Variants in LOXL3 observed in about 807,000 individuals in gnomAD.
LOXL3 encodes the protein lysyl oxidase homolog 3.
In LOXL3, 60 loss-of-function variants were observed where a neutral mutation model predicts 91.8. That is an observed-to-expected ratio of 0.65 (90% CI 0.53 to 0.81). The LOEUF (loss-of-function observed/expected upper bound fraction) is 0.81. LOXL3 is among the 30% of genes least tolerant of loss of function. The probability of loss-of-function intolerance (pLI) is 0.00; values close to 1 mark genes in which losing one functional copy is unlikely to be tolerated. For synonymous variants in LOXL3, 355 were observed against 387.6 expected (o/e 0.92, Z 0.99); for missense variants, 874 against 1,000.4 (o/e 0.87, Z 1.70).
chr2:74,552,670 T>G (rs778068013), intron 1 of LOXL3, 24 bp from the exon 2 acceptor site: 42 of 1,487,014 alleles, frequency 2.8e-5, no homozygotes, highest in Non-Finnish European at 3.8e-5. Flanking sequence ...AGACAAAGTG[T>G]GCGTGAGAGA....
rs770980565 is a variant in LOXL3, at chr2:74,536,816, C to T, written c.805G>A (p.Ala269Thr). 3.4e-5 allele frequency: 55 copies of T among 1,614,114 alleles called. 1 individual carries two copies. In the South Asian group the frequency reaches 4.1e-4, roughly 12 times the overall value. ...SLEFYRANDT[A>T]RCPGGGPAVV... ...GCAGGGCCCCCCCCAGGGCACCTGG[C>T]GGTGTCATTGGCACGATAGAACTCC... Residue 269 changes from alanine to threonine, a missense_variant, in exon 5 of 14, where the codon GCC (alanine) becomes ACC (threonine). Ala to Thr is a moderately conservative substitution (Grantham distance 58). Coordinates refer to ENST00000264094, the MANE Select transcript of LOXL3 (RefSeq NM_032603.5). The surrounding 1 kb of genome is among the most constrained non-coding windows in gnomAD (Gnocchi z 4.5).
rs552654059 is a variant in LOXL3 at position 74,536,451 on chromosome 2, G to A, written c.933C>T (p.Gly311=). 18 of 1,613,466 alleles carry A rather than the reference G, an allele frequency of 1.1e-5. No homozygotes were observed. Among genetic ancestry groups the A allele is most frequent in the East Asian group, 1.1e-4 (5 of 44,868 alleles). ...PQGEARVRLK[G]GAHPGEGRVE... Reference sequence around the variant, plus strand: ...CCCGGCCCTCTCCAGGGTGGGCGCCGCCCTTTAGACGGACACGGGCCTATA... The same window carrying A: ...CCCGGCCCTCTCCAGGGTGGGCGCCACCCTTTAGACGGACACGGGCCTATA... The change falls in exon 6 of 14, where the codon GGC becomes GGT. Residue 311 remains glycine, a synonymous_variant. Coordinates refer to ENST00000264094, the MANE Select transcript of LOXL3 (RefSeq NM_032603.5). The surrounding 1 kb of genome is among the most constrained non-coding windows in gnomAD (Gnocchi z 4.5).
At chr2:74,548,579 G>T (rs944956963) in intron 4 of LOXL3, among the ~76,000 whole-genome samples, 4 of 152,188 alleles carry the variant, frequency 2.6e-5, no homozygotes, top group Non-Finnish European at 5.9e-5. Flanking sequence ...AGAAAGGGAG[G>T]ATTTTTGGCT....
chr2:74,532,385 G>A lies in LOXL3; in HGVS notation c.*1221C>T. 1 of 559,636 alleles carries A rather than the reference G, an allele frequency of 1.8e-6. No homozygotes were observed. Among genetic ancestry groups the A allele is most frequent in the Non-Finnish European group, 3.3e-6 (1 of 305,444 alleles). The allele number at this position is 559,636 out of a possible 1,614,324, so 34.7% of individuals were successfully genotyped here. ...CTCTTAGTATTCTAGAATGACATTA[G>A]TGCTATTGATTTAACACTGTTTGTC... On this transcript the variant is annotated 3_prime_UTR_variant, in exon 14 of 14. Coordinates refer to ENST00000264094, the MANE Select transcript of LOXL3 (RefSeq NM_032603.5).
chr2:74,553,573 C>T (rs994863860), intron 1 of LOXL3, among the ~76,000 whole-genome samples: 1 of 152,226 alleles, frequency 6.6e-6, no homozygotes, highest in Non-Finnish European at 1.5e-5. Flanking sequence ...CATGCTTCCC[C>T]CAACCCAAAC....
At chr2:74,552,670 T>TGCGTG (rs1677094217) in intron 1 of LOXL3, 24 bp from the exon 2 acceptor site, 1 of 1,487,014 alleles carries the variant, frequency 6.7e-7, no homozygotes, top group Non-Finnish European at 9.0e-7. Context: ...AGACAAAGTG[T>TGCGTG]GCGTGAGAGA....
rs1675895529 is a variant in LOXL3 at position 74,534,770 on chromosome 2, T to G, written c.1584A>C (p.Ala528=). 11 of 1,611,616 alleles carry G rather than the reference T, an allele frequency of 6.8e-6. No homozygotes were observed. In the East Asian group the frequency reaches 2.5e-4, roughly 36 times the overall value. Residue 528 remains alanine, a synonymous_variant, in exon 10 of 14, where the codon GCA becomes GCC. Transcript: ENST00000264094. Reference sequence around the variant, plus strand: ...GTGCTGAGTGCAGCAACAGATCTGATGCAGCTGCACCAAGAAAGGAAGGGG... The same window carrying G: ...GTGCTGAGTGCAGCAACAGATCTGAGGCAGCTGCACCAAGAAAGGAAGGGG... ...FTAGVICSET[A]SDLLLHSALV...
chr2:74,553,033 GGAGA>G (rs1328368214), intron 1 of LOXL3: 1 of 199,512 alleles, frequency 5.0e-6, no homozygotes, highest in Non-Finnish European at 1.0e-5. Context: ...AAGACACAGA[GGAGA>G]GAGACAACGG....
Position 74,537,043 on chromosome 2 carries a change from T to C in LOXL3, c.693-115A>G, listed in dbSNP as rs1008148407. ...TGCCCCCCACCCTTTTGTGACCATT[T>C]ATCTCCTCTTCTTCCCCCTTCCATG... On this transcript the variant is annotated intron_variant, in intron 4 of 13. Coordinates refer to ENST00000264094, the MANE Select transcript of LOXL3 (RefSeq NM_032603.5). 4.9e-5 allele frequency: 38 copies of C among 769,780 alleles called. No individual in the cohort carries two copies. In the East Asian group the frequency reaches 1.0e-3, roughly 21 times the overall value. 47.7% of individuals were successfully genotyped at this position (769,780 alleles called of 1,614,324 possible). A position where few individuals can be genotyped will look rare whatever the true frequency, so the allele number is the denominator to read the frequency against.
intron 3 of LOXL3, 45 bp downstream of exon 3, chr2:74,550,140 G>A (rs760252644): frequency 5.1e-6 from 8 of 1,579,914 alleles, no homozygotes; most frequent in East Asian, 2.3e-5. Context: ...CAGTACTCTC[G>A]GCTATCCTGG....
intron 2 of LOXL3, among the ~76,000 whole-genome samples, chr2:74,550,799 T>TG (rs917407132): frequency 6.6e-6 from 1 of 152,160 alleles, no homozygotes; most frequent in African/African-American, 2.4e-5. Flanking sequence ...AGCCAATACG[T>TG]GGGGGCTTAG....
At chr2:74,550,386 G>A in intron 2 of LOXL3, 38 bp from the exon 3 acceptor site, 1 of 1,599,524 alleles carries the variant, frequency 6.3e-7, no homozygotes, top group Non-Finnish European at 8.5e-7. Context: ...GAAGCTTGGG[G>A]AGGGAGGATG....
Position 74,552,543 on chromosome 2 carries a change from G to A in LOXL3, c.92C>T (p.Thr31Met), listed in dbSNP as rs754646119. Residue 31 changes from threonine (T) to methionine (M), a missense_variant, in exon 2 of 14, where the codon ACG (threonine) becomes ATG (methionine). Thr to Met is a moderately conservative substitution (Grantham distance 81, BLOSUM62 -1). Transcript: ENST00000264094. ...GCTCCCGGCCTTCTTCTCAGGGCCC[G>A]TGGAAGGGGACGGAGACCCCAAGCA... is the stretch of plus-strand genomic sequence containing the variant. Reference protein sequence around the residue: ...SSCLGSPSPSTGPEKKAGSQG... With the variant: ...SSCLGSPSPSMGPEKKAGSQG... The A allele has an allele frequency of 2.5e-5, 40 of 1,612,456 alleles. No homozygotes were observed. The highest frequency in any genetic ancestry group is 4.0e-5 in the African/African-American group (3 of 74,924).
At position 74,533,921 on chromosome 2, in the gene LOXL3, A is replaced by G. The variant is rs1333726895; in HGVS notation, c.2149T>C (p.Tyr717His). 1 of 1,614,088 alleles carries G rather than the reference A, an allele frequency of 6.2e-7. No individual in the cohort carries two copies. The highest frequency in any genetic ancestry group is 1.3e-5 in the African/African-American group (1 of 74,994). ...TNNAMKCNCK[Y>H]DGHRIWVHNC... ...TGCACCCAGATTCTATGTCCATCAT[A>G]TTTGCAGTTACATTTCATTGCATTG... The change falls in exon 13 of 14, where the codon TAT becomes CAT. Residue 717 changes from tyrosine (Y) to histidine (H), a missense_variant. Transcript: ENST00000264094.
upstream of LOXL3, chr2:74,554,371 A>G (rs555438261): frequency 2.3e-5 from 5 of 220,030 alleles, no homozygotes; most frequent in Admixed American, 2.8e-4. This position sits in a 1 kb window ranked among gnomAD's most constrained non-coding sequence, Gnocchi z 4.9. Context: ...AAAGCCCCGG[A>G]GGCCCGTGTG....
intron 4 of LOXL3, among the ~76,000 whole-genome samples, chr2:74,547,997 T>A (rs1676707075): frequency 6.6e-6 from 1 of 152,264 alleles, no homozygotes; most frequent in Non-Finnish European, 1.5e-5. Context: ...GTTACATCAT[T>A]GAAGTGTTCT....
Position 74,535,834 on chromosome 2 carries a change from C to T in LOXL3, c.1249-79G>A, listed in dbSNP as rs753388383. The T allele has an allele frequency of 1.3e-5, 20 of 1,500,334 alleles. No individual in the cohort carries two copies. Among genetic ancestry groups the T allele is most frequent in the African/African-American group, 7.0e-5 (5 of 71,390 alleles). The allele number at this position is 1,500,334 out of a possible 1,614,324, so 92.9% of individuals were successfully genotyped here. The stretch of plus-strand genomic sequence containing the variant: ...GAGTCTCTAACAGATGTGGCTGAAG[C>T]GTGACTCAGGCACATAATGGGCTAG... On this transcript the variant is annotated intron_variant, in intron 7 of 13. Transcript: ENST00000264094. This position sits in a 1 kb window ranked among gnomAD's most constrained non-coding sequence, Gnocchi z 4.2.
chr2:74,542,626 C>CT lies in LOXL3; in HGVS notation c.693-5699dup, dbSNP rs1188624876. Among the ~76,000 whole-genome samples, 1,349 of 140,938 alleles carry CT rather than the reference C, an allele frequency of 9.6e-3. 19 individuals are homozygous for CT. Among genetic ancestry groups the CT allele is most frequent in the African/African-American group, 0.028 (1,075 of 38,618 alleles). 92.5% of individuals were successfully genotyped at this position (140,938 alleles called of 152,430 possible). On this transcript the variant is annotated intron_variant, in intron 4 of 13. Coordinates refer to ENST00000264094, the MANE Select transcript of LOXL3 (RefSeq NM_032603.5). ...ATCATCTTTATATCCTCTCTTCCTA[C>CT]TTTTTTTTTTTTTTTTTGAGACAGA...
At position 74,532,717 on chromosome 2, in the gene LOXL3, G is replaced by C; in HGVS notation, c.*889C>G. ...ATCCTGGGCTCCCCTGCACACCGGT[G>C]AGGGAGAGGCTGCAGTGTGATATGG... On this transcript the variant is annotated 3_prime_UTR_variant, in exon 14 of 14. Transcript: ENST00000264094. 1 of 1,612,840 alleles carries C rather than the reference G, an allele frequency of 6.2e-7. No individual in the cohort carries two copies. Among genetic ancestry groups the C allele is most frequent in the Non-Finnish European group, 8.5e-7 (1 of 1,179,006 alleles).
Sources: allele counts gnomAD v4.1 joint callset (sites outside exome capture counted in the v4.1 genomes callset), GRCh38; gene constraint gnomAD v4.1.1; non-coding constraint Gnocchi (gnomAD v3.1); transcripts MANE v1.5; gene names NCBI Gene and HGNC (gene_info 2026-07-23, HGNC 2026-07-21).